Variants in DLGAP1 observed in about 807,000 individuals in gnomAD.
DLGAP1 encodes DLG associated protein 1.
In DLGAP1, 11 loss-of-function variants were observed where a neutral mutation model predicts 90.8. The observed-to-expected ratio is 0.12, with a 90% CI of 0.08 to 0.20. The LOEUF (loss-of-function observed/expected upper bound fraction) is 0.20. DLGAP1 is among the 10% of genes least tolerant of loss of function. The probability of loss-of-function intolerance (pLI) is 1.00; values close to 1 mark genes in which losing one functional copy is unlikely to be tolerated. For synonymous variants in DLGAP1, 558 were observed against 540.7 expected, an observed-to-expected ratio of 1.03 and a Z score of -0.44; for missense variants, 1,050 against 1,333.8, an observed-to-expected ratio of 0.79 and a Z score of 3.31.
At chr18:4,345,930 C>G (rs1186827207) in intron 1 of DLGAP1, among the ~76,000 whole-genome samples, 1 of 152,188 alleles carries the variant, frequency 6.6e-6, no homozygotes, top group Admixed American at 6.5e-5. Flanking sequence ...TTTGCAACAC[C>G]TCCACTGATC....
chr18:3,824,854 C>G (rs906911178), intron 4 of DLGAP1, among the ~76,000 whole-genome samples: 1 of 152,214 alleles, frequency 6.6e-6, no homozygotes, highest in Non-Finnish European at 1.5e-5. Context: ...CTTCCTGAAT[C>G]CCATCCATTC....
chr18:3,863,351 T>G (rs1439003555), intron 4 of DLGAP1, among the ~76,000 whole-genome samples: 1 of 152,198 alleles, frequency 6.6e-6, no homozygotes, highest in Non-Finnish European at 1.5e-5. Flanking sequence ...AGCACATTTT[T>G]AATAACAAGA....
chr18:3,614,000 G>A (rs964166132), intron 7 of DLGAP1, among the ~76,000 whole-genome samples: 2 of 151,876 alleles, frequency 1.3e-5, no homozygotes, highest in Non-Finnish European at 2.9e-5. Context: ...TCAGCTCACT[G>A]CAAGCTCCGC....
At chr18:3,799,346 G>T (rs1169524072) in intron 5 of DLGAP1, among the ~76,000 whole-genome samples, 2 of 152,140 alleles carry the variant, frequency 1.3e-5, no homozygotes, top group Non-Finnish European at 2.9e-5. Flanking sequence ...CAGAAAGGGA[G>T]AGGGAAGAAG....
intron 10 of DLGAP1, among the ~76,000 whole-genome samples, chr18:3,523,185 C>T (rs190014933): frequency 6.7e-4 from 101 of 151,630 alleles, no homozygotes; most frequent in African/African-American, 2.4e-3. Context: ...CCAGCCTGGC[C>T]AACATGGTGA....
intron 5 of DLGAP1, among the ~76,000 whole-genome samples, chr18:3,779,875 C>T (rs1015379244): frequency 1.3e-5 from 2 of 149,636 alleles, no homozygotes; most frequent in African/African-American, 4.9e-5. Context: ...CTGCAACCTC[C>T]ACCTCCCGGG....
chr18:3,513,887 T>A (rs543862296), intron 10 of DLGAP1, among the ~76,000 whole-genome samples: 3 of 152,162 alleles, frequency 2.0e-5, no homozygotes, highest in Non-Finnish European at 4.4e-5. Flanking sequence ...GGAGGTAGTA[T>A]AAGAGGCACA....
intron 3 of DLGAP1, chr18:3,983,072 G>C (rs1179969121): frequency 6.6e-6 from 1 of 151,938 alleles, no homozygotes; most frequent in African/African-American, 2.4e-5. Context: ...GGGTTCTTTT[G>C]GGTGGTTCTT....
At chr18:3,596,954 G>A (rs767598662) in intron 7 of DLGAP1, 4 of 519,966 alleles carry the variant, frequency 7.7e-6, no homozygotes, top group Admixed American at 1.9e-5. Flanking sequence ...CCCCTGGGTC[G>A]TCCACCCGAT....
intron 7 of DLGAP1, among the ~76,000 whole-genome samples, chr18:3,669,506 G>C (rs1247905842): frequency 6.6e-6 from 1 of 152,238 alleles, no homozygotes; most frequent in Admixed American, 6.5e-5. Context: ...GGCAGAAGAA[G>C]ACACGAGTGG....
intron 3 of DLGAP1, among the ~76,000 whole-genome samples, chr18:3,891,618 A>G (rs2071460614): frequency 1.3e-5 from 2 of 152,192 alleles, no homozygotes; most frequent in African/African-American, 4.8e-5. Flanking sequence ...TGCCTCTAGG[A>G]ATCATAACTA....
chr18:4,306,939 T>C (rs1461824845), intron 1 of DLGAP1, among the ~76,000 whole-genome samples: 3 of 149,986 alleles, frequency 2.0e-5, no homozygotes, highest in Non-Finnish European at 3.0e-5. Context: ...GCTTTTGTTT[T>C]GTTTGTCCTT....
intron 4 of DLGAP1, among the ~76,000 whole-genome samples, chr18:3,822,798 T>C (rs2067493161): frequency 6.6e-6 from 1 of 152,044 alleles, no homozygotes; most frequent in Admixed American, 6.6e-5. Flanking sequence ...CTGGATGACA[T>C]CAAAAGGGGC....
At chr18:4,122,839 T>C (rs934765193) in intron 2 of DLGAP1, among the ~76,000 whole-genome samples, 1 of 152,170 alleles carries the variant, frequency 6.6e-6, no homozygotes, top group Non-Finnish European at 1.5e-5. Context: ...CTCAGGATCC[T>C]TGCCAAAGAG....
At chr18:4,083,973 C>G (rs568047917) in intron 2 of DLGAP1, among the ~76,000 whole-genome samples, 1 of 152,076 alleles carries the variant, frequency 6.6e-6, no homozygotes, top group Non-Finnish European at 1.5e-5. Flanking sequence ...CTGGAAAAAT[C>G]GGATCACACG....
chr18:4,019,809 G>C, intron 2 of DLGAP1, among the ~76,000 whole-genome samples: 1 of 141,690 alleles, frequency 7.1e-6, no homozygotes, highest in East Asian at 2.3e-4. Flanking sequence ...GCGCGCGCGT[G>C]TGCGCGCACA....
chr18:3,845,768 C>T (rs1326087744), intron 4 of DLGAP1, among the ~76,000 whole-genome samples: 1 of 152,132 alleles, frequency 6.6e-6, no homozygotes, highest in African/African-American at 2.4e-5. Context: ...AGACAGATGC[C>T]TTTTACAATG....
At chr18:3,807,636 G>T (rs2066628892) in intron 5 of DLGAP1, among the ~76,000 whole-genome samples, 1 of 130,664 alleles carries the variant, frequency 7.7e-6, no homozygotes, top group African/African-American at 3.1e-5. Context: ...GGATGTGCAG[G>T]TTTGTTACAT....
chr18:4,207,572 C>T (rs182938858), intron 1 of DLGAP1, among the ~76,000 whole-genome samples: 98 of 152,334 alleles, frequency 6.4e-4, no homozygotes, highest in African/African-American at 2.1e-3. Context: ...AGCCCACCTG[C>T]GGTGTGGCTC....
Sources: allele counts gnomAD v4.1 joint callset (sites outside exome capture counted in the v4.1 genomes callset), GRCh38; gene constraint gnomAD v4.1.1; transcripts MANE v1.5; gene names NCBI Gene and HGNC (gene_info 2026-07-23, HGNC 2026-07-21).